Variants in IQCJ observed in about 807,000 individuals in gnomAD.
IQCJ encodes the protein IQ domain-containing protein J.
A neutral mutation model predicts 11.0 loss-of-function variants in IQCJ; 9 were observed. The observed-to-expected ratio is 0.82, with a 90% CI of 0.49 to 1.43. The LOEUF (loss-of-function observed/expected upper bound fraction) is 1.43, where lower values mean the gene tolerates loss of function less well. Among genes scored for constraint, IQCJ ranks in the 40% most tolerant of loss-of-function variants. The pLI, the probability that IQCJ is intolerant of heterozygous loss-of-function variation, is 0.00. For synonymous variants in IQCJ, 55 were observed against 51.3 expected (o/e 1.07, Z -0.31); for missense variants, 146 against 133.2 (o/e 1.10, Z -0.47).
In IQCJ at chr3:159,192,219, T is replaced by C. The variant is rs573601734; in HGVS notation, c.10-53624T>C. ...ATACTCTCCCTGGCATCTCTCTCTG[T>C]TTAAATGTTATTGATAATTTATGTG... On this transcript the variant is annotated intron_variant, in intron 1 of 3. Transcript: ENST00000397832. Among the ~76,000 whole-genome samples the C allele has an allele frequency of 1.4e-4, 22 of 152,346 alleles. No individual in the cohort carries two copies. The East Asian group carries it at 2.3e-3, about 16-fold the overall frequency.
intron 1 of IQCJ, among the ~76,000 whole-genome samples, chr3:159,165,103 C>G (rs1260780634): frequency 6.6e-6 from 1 of 152,152 alleles, no homozygotes; most frequent in Non-Finnish European, 1.5e-5. Flanking sequence ...AATTTTACTG[C>G]TATGAAAGAA....
chr3:159,194,801 G>A (rs1443143294), intron 1 of IQCJ, among the ~76,000 whole-genome samples: 2 of 152,152 alleles, frequency 1.3e-5, no homozygotes, highest in African/African-American at 4.8e-5. Flanking sequence ...ATCCCCCAAA[G>A]TCCTTGGCAG....
chr3:159,140,707 ATGT>A (rs1720554051), intron 1 of IQCJ, among the ~76,000 whole-genome samples: 1 of 152,184 alleles, frequency 6.6e-6, no homozygotes, highest in South Asian at 2.1e-4. Flanking sequence ...ATCATTAGGC[ATGT>A]TGTTCTACTG....
At chr3:159,265,303 T>C (rs1391569019), downstream of IQCJ, 59 of 1,613,756 alleles carry the variant, frequency 3.7e-5, no homozygotes, top group Non-Finnish European at 4.9e-5. Flanking sequence ...GGAAGGAAGG[T>C]GATTCTTCTC....
At chr3:159,265,467 C>A, downstream of IQCJ, 1 of 1,307,836 alleles carries the variant, frequency 7.6e-7, no homozygotes, top group Non-Finnish European at 1.1e-6. Context: ...AGCCTGTCAT[C>A]AAGAAATGAG....
chr3:159,194,080 G>A (rs1175765649), intron 1 of IQCJ, among the ~76,000 whole-genome samples: 2 of 152,318 alleles, frequency 1.3e-5, no homozygotes, highest in East Asian at 1.9e-4. Context: ...GGGAAGAACT[G>A]AGGAAGTAAT....
At chr3:159,074,872 G>A (rs1715812815) in intron 1 of IQCJ, among the ~76,000 whole-genome samples, 1 of 152,060 alleles carries the variant, frequency 6.6e-6, no homozygotes, top group African/African-American at 2.4e-5. Flanking sequence ...AGGCTGACAA[G>A]ACTGGCCTAT....
intron 1 of IQCJ, among the ~76,000 whole-genome samples, chr3:159,166,022 C>T (rs1023852338): frequency 1.3e-5 from 2 of 151,890 alleles, no homozygotes; most frequent in Admixed American, 6.6e-5. Flanking sequence ...GTCGCTGGCT[C>T]ATTTTCCTAC....
chr3:159,252,458 T>C (rs187226925), intron 2 of IQCJ, among the ~76,000 whole-genome samples: 20 of 152,274 alleles, frequency 1.3e-4, no homozygotes, highest in African/African-American at 4.1e-4. Context: ...CTCCTTTTCT[T>C]TTCTCTTAAA....
Position 159,085,517 on chromosome 3 carries a change from G to A in IQCJ, c.9+16076G>A, listed in dbSNP as rs1363357061. Among the ~76,000 whole-genome samples the A allele has an allele frequency of 9.9e-4, 148 of 149,366 alleles. 3 individuals carry two copies. In the South Asian group the frequency reaches 0.027, roughly 27 times the overall value. ...CACTGACTTCCACAATGGTTGAACT[G>A]GTTTACAGTCCCACCAACAGTGTAA... On this transcript the variant is annotated intron_variant, in intron 1 of 3. Coordinates refer to ENST00000397832, the MANE Select transcript of IQCJ (RefSeq NM_001042706.3).
chr3:159,121,242 T>G (rs951193650), intron 1 of IQCJ, among the ~76,000 whole-genome samples: 1 of 151,826 alleles, frequency 6.6e-6, no homozygotes, highest in Non-Finnish European at 1.5e-5. Flanking sequence ...CAAGCGATCT[T>G]CTCACCCCAG....
intron 1 of IQCJ, among the ~76,000 whole-genome samples, chr3:159,196,060 C>A (rs1026348762): frequency 8.6e-5 from 13 of 151,928 alleles, no homozygotes; most frequent in African/African-American, 3.1e-4. Flanking sequence ...TGATATAATC[C>A]CCATTTTTTA....
intron 1 of IQCJ, among the ~76,000 whole-genome samples, chr3:159,134,048 C>T (rs1720149480): frequency 1.3e-5 from 2 of 151,924 alleles, no homozygotes; most frequent in South Asian, 4.2e-4. Context: ...CTCTTAAAAG[C>T]AGAAGAAGAC....
intron 1 of IQCJ, among the ~76,000 whole-genome samples, chr3:159,181,588 C>A (rs548218645): frequency 2.8e-4 from 43 of 151,386 alleles, no homozygotes; most frequent in Non-Finnish European, 6.0e-4. Flanking sequence ...CTCATCATTG[C>A]CATCTCCTTC....
intron 1 of IQCJ, among the ~76,000 whole-genome samples, chr3:159,110,932 T>G (rs1353557452): frequency 1.5e-4 from 23 of 152,206 alleles, no homozygotes; most frequent in Non-Finnish European, 1.3e-4. Context: ...TGCAACATTG[T>G]GGACAATAGA....
intron 1 of IQCJ, among the ~76,000 whole-genome samples, chr3:159,088,599 G>T (rs1418380207): frequency 2.0e-5 from 3 of 152,138 alleles, no homozygotes; most frequent in African/African-American, 7.2e-5. Flanking sequence ...GAATCTGGGT[G>T]CTCCTGTATT....
chr3:159,198,954 C>T (rs1724155570), intron 1 of IQCJ, among the ~76,000 whole-genome samples: 1 of 152,164 alleles, frequency 6.6e-6, no homozygotes, highest in Non-Finnish European at 1.5e-5. Context: ...TTACCTGGCA[C>T]AGTCAGAAGA....
intron 1 of IQCJ, among the ~76,000 whole-genome samples, chr3:159,199,010 A>T (rs1373580163): frequency 1.3e-5 from 2 of 152,208 alleles, no homozygotes; most frequent in Non-Finnish European, 2.9e-5. Flanking sequence ...ATTCAAAGAA[A>T]TGTGGAATTC....
In IQCJ at chr3:159,263,188, C is replaced by A; in HGVS notation, c.*457C>A. 1 of 534,094 alleles carries A rather than the reference C, an allele frequency of 1.9e-6. No individual in the cohort carries two copies. Among genetic ancestry groups the A allele is most frequent in the Non-Finnish European group, 2.4e-6 (1 of 417,362 alleles). 33.1% of individuals were successfully genotyped at this position (534,094 alleles called of 1,614,324 possible). Reference sequence around the variant, plus strand: ...GCTGTGCCCCTGGCTACACGGAGAACATAGACCTCACCTGAAGGGCAGCGC... The same window carrying A: ...GCTGTGCCCCTGGCTACACGGAGAAAATAGACCTCACCTGAAGGGCAGCGC... On this transcript the variant is annotated 3_prime_UTR_variant, in exon 4 of 4. Coordinates refer to ENST00000397832, the MANE Select transcript of IQCJ (RefSeq NM_001042706.3).
Sources: gnomAD v4.1 joint callset for allele counts (sites outside exome capture counted in the v4.1 genomes callset) on GRCh38, gnomAD v4.1.1 for gene constraint, MANE v1.5 for transcripts, NCBI Gene and HGNC (gene_info 2026-07-23, HGNC 2026-07-21) for gene names.